STX8: variants seen among roughly 807,000 people sequenced by gnomAD.
The protein encoded by STX8 is syntaxin-8.
Under a neutral mutation model 37.5 loss-of-function variants are expected in STX8, and 23 were observed. The observed-to-expected ratio is 0.61, with a 90% CI of 0.44 to 0.87. STX8 has a LOEUF of 0.87. STX8 is among the 40% of genes least tolerant of loss of function. The pLI, the probability that STX8 is intolerant of heterozygous loss-of-function variation, is 0.00. For synonymous variants in STX8, 115 were observed against 99.1 expected, an observed-to-expected ratio of 1.16 and a Z score of -0.95; for missense variants, 313 against 284.7, an observed-to-expected ratio of 1.10 and a Z score of -0.71.
At chr17:9,424,797 T>C (rs1202678811) in intron 6 of STX8, among the ~76,000 whole-genome samples, 1 of 152,216 alleles carries the variant, frequency 6.6e-6, no homozygotes, top group Non-Finnish European at 1.5e-5. Context: ...TCTTTCTTGG[T>C]GCTGCCTAGG....
At chr17:9,362,401 C>G (rs1911088626) in intron 7 of STX8, among the ~76,000 whole-genome samples, 2 of 152,204 alleles carry the variant, frequency 1.3e-5, no homozygotes, top group South Asian at 4.1e-4. Flanking sequence ...TAAGGAATCT[C>G]TATCTACCAA....
At chr17:9,389,718 GTTA>G (rs988113741) in intron 6 of STX8, among the ~76,000 whole-genome samples, 16 of 152,082 alleles carry the variant, frequency 1.1e-4, no homozygotes, top group African/African-American at 3.6e-4. Context: ...AAGTCATTAT[GTTA>G]TTATGCTTTT....
chr17:9,271,771 AAG>A (rs1400244523), intron 7 of STX8, among the ~76,000 whole-genome samples: 1 of 151,884 alleles, frequency 6.6e-6, no homozygotes, highest in Non-Finnish European at 1.5e-5. Flanking sequence ...AAAAAAAAGA[AAG>A]AAAGAAATTC....
chr17:9,559,743 T>TAC (rs1907132063), intron 2 of STX8, among the ~76,000 whole-genome samples: 1 of 44,160 alleles, frequency 2.3e-5, no homozygotes, highest in Non-Finnish European at 3.7e-5. Flanking sequence ...TTTATATATA[T>TAC]ATATATATAT....
At chr17:9,380,428 AT>A (rs1053883247) in intron 6 of STX8, among the ~76,000 whole-genome samples, 19 of 151,438 alleles carry the variant, frequency 1.3e-4, no homozygotes, top group African/African-American at 4.4e-4. Context: ...TATTGTTTAA[AT>A]TTTTTGTAGA....
intron 7 of STX8, among the ~76,000 whole-genome samples, chr17:9,364,608 G>A (rs576825905): frequency 1.5e-4 from 23 of 152,136 alleles, no homozygotes; most frequent in African/African-American, 5.5e-4. Context: ...TTGGCTCACT[G>A]CAACCTCTGC....
rs554488323 is a variant in STX8 at position 9,511,870 on chromosome 17, C to T, written c.324-6708G>A. On this transcript the variant is annotated intron_variant, in intron 4 of 7. Coordinates refer to ENST00000306357, the MANE Select transcript of STX8 (RefSeq NM_004853.3). ...ACTACCAAAAAAAAACCTCTCAGAA[C>T]TGATAAACAAATTTAGTAAAGTTGC... is the stretch of plus-strand genomic sequence containing the variant. Among the ~76,000 whole-genome samples, 12 of 152,152 alleles carry T rather than the reference C, an allele frequency of 7.9e-5. No individual in the cohort carries two copies. The East Asian group carries it at 2.3e-3, about 29-fold the overall frequency.
rs374458112 is a variant in STX8 at position 9,412,309 on chromosome 17, T to G, written c.542-33656A>C. On this transcript the variant is annotated intron_variant, in intron 6 of 7. Transcript: ENST00000306357. ...TTTTTTTTTTTTTGAGACGGAGTTT[T>G]GCTCTTGTTGCCCAGGCTGGAGTGC... 2.0e-5 allele frequency among the ~76,000 whole-genome samples: 3 copies of G among 152,060 alleles called. No homozygotes were observed. The East Asian group carries it at 5.8e-4, about 29-fold the overall frequency.
intron 6 of STX8, among the ~76,000 whole-genome samples, chr17:9,434,023 A>G (rs1904333472): frequency 6.6e-6 from 1 of 150,434 alleles, no homozygotes; most frequent in African/African-American, 2.5e-5. Flanking sequence ...TTTTTTTTTG[A>G]GACGGAGGCT....
rs866366933 is a variant in STX8, at chr17:9,456,289, G to A, written c.541+35540C>T. On this transcript the variant is annotated intron_variant, in intron 6 of 7. Transcript: ENST00000306357. ...GGGGGTGGCAGATGAAGCGAGTCTTGTGGGTCTCAGGACAGTCTTTGGAAC... is the reference window on the plus strand; with the variant it reads ...GGGGGTGGCAGATGAAGCGAGTCTTATGGGTCTCAGGACAGTCTTTGGAAC... 2.0e-5 allele frequency among the ~76,000 whole-genome samples: 3 copies of A among 152,202 alleles called. No individual in the cohort carries two copies. In the East Asian group the frequency reaches 5.8e-4, roughly 29 times the overall value.
At chr17:9,424,487 C>T (rs963171787) in intron 6 of STX8, among the ~76,000 whole-genome samples, 2 of 152,110 alleles carry the variant, frequency 1.3e-5, no homozygotes, top group Admixed American at 6.6e-5. Context: ...CCTGGGGCCT[C>T]GTGTTACACC....
At chr17:9,285,254 C>T (rs1358543437) in intron 7 of STX8, among the ~76,000 whole-genome samples, 1 of 152,076 alleles carries the variant, frequency 6.6e-6, no homozygotes, top group African/African-American at 2.4e-5. Context: ...GAAGCCTGGG[C>T]TCAGACTCAG....
At chr17:9,309,845 T>G (rs953310518) in intron 7 of STX8, among the ~76,000 whole-genome samples, 2 of 152,112 alleles carry the variant, frequency 1.3e-5, no homozygotes, top group East Asian at 3.8e-4. Context: ...AAAAATAGGG[T>G]CTTACTGACT....
chr17:9,476,133 C>G lies in STX8; in HGVS notation c.541+15696G>C, dbSNP rs1283906092. Reference sequence around the variant, plus strand: ...GGCGGAGGTTGCAGTGAGGCGAGATCGTGCCACTGCACTCCAGCATGGGCG... The same window carrying G: ...GGCGGAGGTTGCAGTGAGGCGAGATGGTGCCACTGCACTCCAGCATGGGCG... On this transcript the variant is annotated intron_variant, in intron 6 of 7. Transcript: ENST00000306357. Among the ~76,000 whole-genome samples, 5 of 152,158 alleles carry G rather than the reference C, an allele frequency of 3.3e-5. No individual in the cohort carries two copies. In the South Asian group the frequency reaches 1.0e-3, roughly 32 times the overall value.
At chr17:9,488,821 AGTGTGTGT>A (rs71135988) in intron 6 of STX8, among the ~76,000 whole-genome samples, 15 of 143,908 alleles carry the variant, frequency 1.0e-4, no homozygotes, top group East Asian at 4.1e-4. Flanking sequence ...AGAGAGAGAG[AGTGTGTGT>A]GTGTGTGTGT....
At chr17:9,465,439 TTTGCC>T (rs1905568200) in intron 6 of STX8, among the ~76,000 whole-genome samples, 1 of 152,118 alleles carries the variant, frequency 6.6e-6, no homozygotes, top group African/African-American at 2.4e-5. Flanking sequence ...CAGGAAGGAA[TTTGCC>T]TCAGTGAACC....
intron 6 of STX8, among the ~76,000 whole-genome samples, chr17:9,454,894 T>C (rs993161828): frequency 2.0e-5 from 3 of 151,880 alleles, no homozygotes; most frequent in Non-Finnish European, 4.4e-5. Flanking sequence ...AGGAATATAT[T>C]CAGGTACAAT....
rs1193508041 is a variant in STX8 at position 9,545,210 on chromosome 17, T to C, written c.285A>G (p.Ala95=). Residue 95 remains alanine (A), a synonymous_variant, in exon 4 of 8, where the codon GCA becomes GCG. Transcript: ENST00000306357. ...GTTCGGCACCCTCATTCTTAAAGGA[T>C]GCCAGAAGTAGTCTCTCTCGAGTTA... ...DLVTRERLLL[A]SFKNEGAEPD... The C allele has an allele frequency of 1.2e-6, 2 of 1,614,018 alleles. No homozygotes were observed. The highest frequency in any genetic ancestry group is 1.7e-6 in the Non-Finnish European group (2 of 1,180,022).
chr17:9,305,466 T>C (rs1283766063), intron 7 of STX8: 2 of 152,220 alleles, frequency 1.3e-5, no homozygotes, highest in Non-Finnish European at 2.9e-5. Flanking sequence ...CTAATGTCAG[T>C]GTCCTGAGTA....
Sources: allele counts gnomAD v4.1 joint callset (sites outside exome capture counted in the v4.1 genomes callset), GRCh38; gene constraint gnomAD v4.1.1; transcripts MANE v1.5; gene names NCBI Gene and HGNC (gene_info 2026-07-23, HGNC 2026-07-21).